Variants in FGGY observed in about 807,000 individuals in gnomAD.
The protein encoded by FGGY is FGGY carbohydrate kinase domain containing.
Under a neutral mutation model 71.3 loss-of-function variants are expected in FGGY, and 72 were observed. The ratio of observed to expected loss-of-function variants is 1.01; its 90% CI spans 0.84 to 1.23. FGGY has a LOEUF of 1.23. FGGY is among the 50% of genes most tolerant of loss of function. FGGY has a pLI of 0.00. For synonymous variants in FGGY, 251 were observed against 250.3 expected, an observed-to-expected ratio of 1.00 and a Z score of -0.02; for missense variants, 668 against 682.3, an observed-to-expected ratio of 0.98 and a Z score of 0.23.
At chr1:59,546,808 G>C (rs574688075) in intron 7 of FGGY, among the ~76,000 whole-genome samples, 2 of 152,004 alleles carry the variant, frequency 1.3e-5, no homozygotes, top group Admixed American at 6.6e-5. Flanking sequence ...GCCTCCCAAA[G>C]TGCTGGGATT....
At chr1:59,496,913 A>G (rs1420584529) in intron 6 of FGGY, among the ~76,000 whole-genome samples, 4 of 152,174 alleles carry the variant, frequency 2.6e-5, no homozygotes, top group Non-Finnish European at 5.9e-5. Context: ...GCTTCTTTCA[A>G]ATAATACCTT....
intron 4 of FGGY, among the ~76,000 whole-genome samples, chr1:59,369,209 C>T (rs561129420): frequency 4.6e-5 from 7 of 152,252 alleles, no homozygotes; most frequent in African/African-American, 9.6e-5. Context: ...CACTCCCACC[C>T]GATACTGCGC....
intron 7 of FGGY, among the ~76,000 whole-genome samples, chr1:59,513,925 C>G (rs2094577192): frequency 2.0e-5 from 3 of 152,248 alleles, no homozygotes; most frequent in Admixed American, 6.5e-5. Flanking sequence ...CTGTTCATCT[C>G]TCTGTCCTCA....
chr1:59,741,646 A>T (rs1195045423), intron 14 of FGGY, among the ~76,000 whole-genome samples: 1 of 152,102 alleles, frequency 6.6e-6, no homozygotes, highest in East Asian at 1.9e-4. Flanking sequence ...TCTAATAATA[A>T]TTTTTTAAAA....
At chr1:59,381,051 C>G (rs2059367713) in intron 5 of FGGY, among the ~76,000 whole-genome samples, 1 of 152,168 alleles carries the variant, frequency 6.6e-6, no homozygotes, top group Admixed American at 6.5e-5. Context: ...AATAGGGAAT[C>G]CTTTCCCCAT....
chr1:59,315,312 T>C (rs1349624676), intron 1 of FGGY, among the ~76,000 whole-genome samples: 2 of 151,944 alleles, frequency 1.3e-5, no homozygotes, highest in East Asian at 3.9e-4. Context: ...AATCAAAGGA[T>C]TTCTTAGTTT....
chr1:59,429,306 G>C (rs888606343), intron 5 of FGGY, among the ~76,000 whole-genome samples: 1 of 151,876 alleles, frequency 6.6e-6, no homozygotes, highest in African/African-American at 2.4e-5. Flanking sequence ...TACATGAGGA[G>C]ATTTAGAGTG....
chr1:59,463,735 C>T (rs904565489), intron 6 of FGGY, among the ~76,000 whole-genome samples: 2 of 150,020 alleles, frequency 1.3e-5, no homozygotes, highest in Admixed American at 1.3e-4. Flanking sequence ...ATAAAACAGA[C>T]TTTAAACCAA....
At chr1:59,402,967 C>A (rs951463401) in intron 5 of FGGY, among the ~76,000 whole-genome samples, 1 of 151,994 alleles carries the variant, frequency 6.6e-6, no homozygotes, top group African/African-American at 2.4e-5. Flanking sequence ...CTCCTGAGGC[C>A]CAGGACTCAT....
chr1:59,506,004 A>C (rs1178278369), intron 6 of FGGY, among the ~76,000 whole-genome samples: 4 of 152,080 alleles, frequency 2.6e-5, no homozygotes, highest in Non-Finnish European at 4.4e-5. Flanking sequence ...TGAGCCTAAG[A>C]GCTCTCAGAG....
At chr1:59,598,549 C>G (rs1483068646) in intron 8 of FGGY, among the ~76,000 whole-genome samples, 1 of 152,146 alleles carries the variant, frequency 6.6e-6, no homozygotes, top group Non-Finnish European at 1.5e-5. Context: ...GGGTGACAGA[C>G]CTGCTCAGTG....
In FGGY at chr1:59,599,621, G is replaced by C. The variant is rs539817750; in HGVS notation, c.904-8182G>C. The stretch of plus-strand genomic sequence containing the variant: ...AGGCAGGAGAATCACTTGAACCCAG[G>C]AGGCAGAGGTTGCAGTGAGCCGAGA... On this transcript the variant is annotated intron_variant, in intron 8 of 15. Transcript: ENST00000303721. 3.3e-5 allele frequency among the ~76,000 whole-genome samples: 5 copies of C among 149,522 alleles called. No individual in the cohort carries two copies. In the South Asian group the frequency reaches 1.1e-3, roughly 32 times the overall value.
chr1:59,628,253 GA>G (rs2096877636), intron 10 of FGGY, among the ~76,000 whole-genome samples: 1 of 152,150 alleles, frequency 6.6e-6, no homozygotes, highest in African/African-American at 2.4e-5. Context: ...CTCCTTTTAT[GA>G]GGCACCGATA....
chr1:59,655,044 CCAG>C (rs1248891054), intron 11 of FGGY, among the ~76,000 whole-genome samples: 1 of 152,048 alleles, frequency 6.6e-6, no homozygotes, highest in Non-Finnish European at 1.5e-5. Flanking sequence ...CATTATGGTC[CCAG>C]CGCTGATGAG....
intron 11 of FGGY, among the ~76,000 whole-genome samples, chr1:59,655,765 A>G (rs1474131460): frequency 6.6e-6 from 1 of 152,240 alleles, no homozygotes; most frequent in African/African-American, 2.4e-5. Context: ...AAAGTAATTC[A>G]CTTTGCAAAT....
intron 6 of FGGY, among the ~76,000 whole-genome samples, chr1:59,506,071 A>C (rs1374524367): frequency 6.6e-6 from 1 of 152,260 alleles, no homozygotes; most frequent in East Asian, 1.9e-4. Flanking sequence ...GAGACAGCCA[A>C]ATCAAGAGAA....
intron 3 of FGGY, among the ~76,000 whole-genome samples, chr1:59,344,126 A>G (rs2153215973): frequency 6.6e-6 from 1 of 152,278 alleles, no homozygotes; most frequent in Admixed American, 6.5e-5. Flanking sequence ...CTGTTTACAA[A>G]AAATTCTTTG....
intron 5 of FGGY, among the ~76,000 whole-genome samples, chr1:59,386,651 A>G (rs1193444529): frequency 1.3e-5 from 2 of 151,898 alleles, no homozygotes; most frequent in East Asian, 3.9e-4. Flanking sequence ...GTATCTACAT[A>G]TATTACTTTG....
At chr1:59,719,826 A>T (rs1488954172) in intron 14 of FGGY, among the ~76,000 whole-genome samples, 1 of 152,192 alleles carries the variant, frequency 6.6e-6, no homozygotes, top group Non-Finnish European at 1.5e-5. Context: ...CATTTTAGAG[A>T]TGAAAAAACT....
Sources: allele counts gnomAD v4.1 joint callset (sites outside exome capture counted in the v4.1 genomes callset), GRCh38; gene constraint gnomAD v4.1.1; transcripts MANE v1.5; gene names NCBI Gene and HGNC (gene_info 2026-07-23, HGNC 2026-07-21).